MYO1B: variants seen among roughly 807,000 people sequenced by gnomAD.
MYO1B encodes unconventional myosin-Ib.
MYO1B carries 72 observed loss-of-function variants against 159.7 expected under a neutral mutation model. The observed-to-expected ratio is 0.45, with a 90% CI of 0.37 to 0.55. The LOEUF (loss-of-function observed/expected upper bound fraction) is 0.55. Among genes scored for constraint, MYO1B ranks in the 20% least tolerant of loss-of-function variants. The pLI is 0.00. For synonymous variants in MYO1B, 468 were observed against 473.8 expected (o/e 0.99, Z 0.16); for missense variants, 1,062 against 1,364.8 (o/e 0.78, Z 3.50).
chr2:191,254,693 G>T (rs957017689), intron 1 of MYO1B, among the ~76,000 whole-genome samples: 1 of 151,970 alleles, frequency 6.6e-6, no homozygotes, highest in Admixed American at 6.6e-5. Context: ...TTTTGTAGAG[G>T]TGATGTCTCA....
intron 3 of MYO1B, among the ~76,000 whole-genome samples, chr2:191,325,163 G>A (rs567050433): frequency 6.6e-6 from 1 of 152,178 alleles, no homozygotes; most frequent in Admixed American, 6.6e-5. Context: ...CTTTTTTGGG[G>A]GTTAGTTTAG....
chr2:191,373,781 T>C (rs767773133), intron 13 of MYO1B, among the ~76,000 whole-genome samples: 1 of 152,208 alleles, frequency 6.6e-6, no homozygotes, highest in Non-Finnish European at 1.5e-5. Flanking sequence ...GCAAATCTTA[T>C]AATGGCCATC....
At chr2:191,319,835 T>C (rs1690586623) in intron 3 of MYO1B, among the ~76,000 whole-genome samples, 1 of 152,178 alleles carries the variant, frequency 6.6e-6, no homozygotes, top group Admixed American at 6.5e-5. Flanking sequence ...AATGTTTAAA[T>C]GTATGAAGTT....
At chr2:191,373,713 T>A (rs1379480618) in intron 13 of MYO1B, among the ~76,000 whole-genome samples, 1 of 152,230 alleles carries the variant, frequency 6.6e-6, no homozygotes, top group Admixed American at 6.5e-5. Flanking sequence ...AGGCGGTTTT[T>A]ACTCCGTTTA....
intron 29 of MYO1B, among the ~76,000 whole-genome samples, chr2:191,415,082 T>G (rs1697478029): frequency 6.6e-6 from 1 of 152,226 alleles, no homozygotes; most frequent in Non-Finnish European, 1.5e-5. Flanking sequence ...CCAGGACTCC[T>G]GGCTTGGATG....
chr2:191,268,378 G>A (rs1213143981), intron 1 of MYO1B, among the ~76,000 whole-genome samples: 1 of 152,108 alleles, frequency 6.6e-6, no homozygotes, highest in African/African-American at 2.4e-5. Context: ...TCACCCTCCT[G>A]ACTGCATCTA....
At chr2:191,346,092 T>A in intron 5 of MYO1B, 144 bp from the exon 6 acceptor site, 1 of 670,658 alleles carries the variant, frequency 1.5e-6, no homozygotes. Flanking sequence ...TTAAGTATAT[T>A]TCTATGGAAG....
chr2:191,397,946 C>G (rs1296122692), intron 21 of MYO1B, among the ~76,000 whole-genome samples: 3 of 14,336 alleles, frequency 2.1e-4, no homozygotes, highest in East Asian at 2.1e-3. Context: ...GCCGGGCGGG[C>G]CGACCCCCCC....
At chr2:191,316,478 T>C (rs1690355418) in intron 3 of MYO1B, among the ~76,000 whole-genome samples, 1 of 152,198 alleles carries the variant, frequency 6.6e-6, no homozygotes, top group South Asian at 2.1e-4. Flanking sequence ...AGTACACATA[T>C]TTGAAGAGAA....
At chr2:191,360,860 G>T in intron 8 of MYO1B, 131 bp downstream of exon 8, 2 of 611,170 alleles carry the variant, frequency 3.3e-6, no homozygotes, top group East Asian at 5.5e-5. Flanking sequence ...TCCTGCCTTG[G>T]CTTCCCAGAG....
chr2:191,380,817 A>G (rs763866321), intron 13 of MYO1B, among the ~76,000 whole-genome samples: 1 of 152,172 alleles, frequency 6.6e-6, no homozygotes, highest in Non-Finnish European at 1.5e-5. Flanking sequence ...CAGCCAATAC[A>G]TATTGAGAAC....
In MYO1B at chr2:191,252,293, G is replaced by A. The variant is rs117247095; in HGVS notation, c.-10+6667G>A. ...AGTGTTGAGAGCTATTCATAAAAAT[G>A]TATGAACTGCCACGTTGGTCAGGTT... On this transcript the variant is annotated intron_variant, in intron 1 of 30. Transcript: ENST00000392318. 6.2e-4 allele frequency among the ~76,000 whole-genome samples: 95 copies of A among 152,324 alleles called. 1 individual carries two copies. The East Asian group carries it at 0.011, about 17-fold the overall frequency.
At chr2:191,300,302 T>TTTCA (rs1689233089) in intron 3 of MYO1B, among the ~76,000 whole-genome samples, 2 of 151,900 alleles carry the variant, frequency 1.3e-5, no homozygotes, top group East Asian at 3.9e-4. Context: ...CTTTGCCAAT[T>TTTCA]AACTTACCCA....
chr2:191,329,583 AAATT>A (rs1215259844), intron 3 of MYO1B, among the ~76,000 whole-genome samples: 1 of 148,392 alleles, frequency 6.7e-6, no homozygotes, highest in East Asian at 1.9e-4. Flanking sequence ...ATAAATAAAT[AAATT>A]ATTTATATAA....
chr2:191,271,679 CTTCAAA>C (rs1687465360), intron 1 of MYO1B, among the ~76,000 whole-genome samples: 1 of 152,160 alleles, frequency 6.6e-6, no homozygotes, highest in Non-Finnish European at 1.5e-5. Flanking sequence ...ACTCTGAGAA[CTTCAAA>C]TTCAATGGAG....
chr2:191,272,698 A>G (rs1687523697), intron 1 of MYO1B, among the ~76,000 whole-genome samples: 1 of 152,208 alleles, frequency 6.6e-6, no homozygotes, highest in East Asian at 1.9e-4. Context: ...GAAATAACCA[A>G]CCCATACTCT....
chr2:191,400,396 G>C lies in MYO1B; in HGVS notation c.2310G>C (p.Leu770=). Residue 770 remains leucine (L), a synonymous_variant, in exon 22 of 31, where the codon CTG becomes CTC. Coordinates refer to ENST00000392318, the MANE Select transcript of MYO1B (RefSeq NM_001130158.3). ...YIRGWKARKI[L]RELKHQKRCK... ...CTGCCCTTTAGGCTCGAAAAATTCT[G>C]CGGGAACTGAAGCATCAAAAGCGCT... 1 of 1,613,774 alleles carries C rather than the reference G, an allele frequency of 6.2e-7. No homozygotes were observed. Among genetic ancestry groups the C allele is most frequent in the Admixed American group, 1.7e-5 (1 of 59,980 alleles).
At chr2:191,311,108 T>C (rs1223758624) in intron 3 of MYO1B, among the ~76,000 whole-genome samples, 2 of 152,200 alleles carry the variant, frequency 1.3e-5, no homozygotes, top group Non-Finnish European at 2.9e-5. Flanking sequence ...GGTGATCAGC[T>C]TGAGATCCAA....
chr2:191,402,476 C>T, intron 23 of MYO1B, 156 bp from the exon 24 acceptor site: 1 of 664,304 alleles, frequency 1.5e-6, no homozygotes, highest in Non-Finnish European at 2.7e-6. Context: ...AGCCTGACAC[C>T]AATTCTTTGG....
Sources: allele counts gnomAD v4.1 joint callset (sites outside exome capture counted in the v4.1 genomes callset), GRCh38; gene constraint gnomAD v4.1.1; transcripts MANE v1.5; gene names NCBI Gene and HGNC (gene_info 2026-07-23, HGNC 2026-07-21).